SMG1: variants seen among roughly 807,000 people sequenced by gnomAD.
SMG1 encodes SMG1 nonsense mediated mRNA decay associated PI3K related kinase, also known as serine/threonine-protein kinase SMG1.
Under a neutral mutation model 419.9 loss-of-function variants are expected in SMG1, and 22 were observed. That is an observed-to-expected ratio of 0.05 (90% CI 0.04 to 0.07). SMG1 has a LOEUF of 0.07. Ranked by LOEUF, SMG1 falls within the 10% of genes least tolerant of loss-of-function variation. The pLI, the probability that SMG1 is intolerant of heterozygous loss-of-function variation, is 1.00. For missense variants in SMG1, 3,185 were observed against 4,342.0 expected (o/e 0.73, Z 7.49); for synonymous variants, 1,538 against 1,553.5 (o/e 0.99, Z 0.23).
rs376747600 is a variant in SMG1, at chr16:18,882,273, T to C, written c.1185A>G (p.Leu395=). Residue 395 remains leucine (L), a synonymous_variant, in exon 10 of 63, where the codon TTA becomes TTG. Coordinates refer to ENST00000446231, the MANE Select transcript of SMG1 (RefSeq NM_015092.5). ...DEDVPPPSVS[L]PKLAALLRVF... ...CCCGGAGAAGTGCAGCCAGCTTTGG[T>C]AATGACACTGATGGAGGAGGGACAT... 7.5e-6 allele frequency: 12 copies of C among 1,610,464 alleles called. No individual in the cohort carries two copies. The highest frequency in any genetic ancestry group is 2.2e-4 in the Middle Eastern group (1 of 4,452).
rs13334655 is a variant in SMG1, at chr16:18,884,957, C to A, written c.1021+133G>T. 8.1e-5 allele frequency: 52 copies of A among 643,176 alleles called. No individual in the cohort carries two copies. The East Asian group carries it at 1.3e-3, about 16-fold the overall frequency. 39.8% of individuals were successfully genotyped at this position (643,176 alleles called of 1,614,324 possible). On this transcript the variant is annotated intron_variant, in intron 8 of 62. Coordinates refer to ENST00000446231, the MANE Select transcript of SMG1 (RefSeq NM_015092.5). Reference sequence around the variant, plus strand: ...ACATATTTAGCTAACAAGTAATGTTCATTTACAATAAAACATTTCTCTGAA... The same window carrying A: ...ACATATTTAGCTAACAAGTAATGTTAATTTACAATAAAACATTTCTCTGAA...
intron 36 of SMG1, among the ~76,000 whole-genome samples, chr16:18,848,942 G>A (rs1020474763): frequency 9.9e-5 from 15 of 151,528 alleles, no homozygotes; most frequent in African/African-American, 2.2e-4. Context: ...GTGGTGGCAC[G>A]CACATGTAAT....
At chr16:18,870,426 A>G (rs1165180951) in intron 18 of SMG1, among the ~76,000 whole-genome samples, 184 bp downstream of exon 18, 2 of 152,210 alleles carry the variant, frequency 1.3e-5, no homozygotes, top group Admixed American at 1.3e-4. Flanking sequence ...CTCATTAAAA[A>G]TTTTTAATTT....
In SMG1 at chr16:18,853,627, T is replaced by C. The variant is rs118055386; in HGVS notation, c.4724A>G (p.Asn1575Ser). Residue 1575 changes from asparagine to serine, a missense_variant, in exon 31 of 63, where the codon AAT becomes AGT. Transcript: ENST00000446231. ...ILTLIELPSV[N>S]TMEEEYPRIE... Reference sequence around the variant, plus strand: ...CCGAGGATACTCTTCTTCCATCGTATTAACAGATGGCAGTTCTATTAGAGT... The same window carrying C: ...CCGAGGATACTCTTCTTCCATCGTACTAACAGATGGCAGTTCTATTAGAGT... 523 of 1,609,966 alleles carry C rather than the reference T, an allele frequency of 3.2e-4. 4 individuals are homozygous for C. In the East Asian group the frequency reaches 0.011, roughly 34 times the overall value.
intron 60 of SMG1, among the ~76,000 whole-genome samples, chr16:18,814,560 T>A (rs1053690482): frequency 3.9e-5 from 6 of 151,964 alleles, no homozygotes; most frequent in African/African-American, 1.4e-4. Context: ...TAGCAAAGCA[T>A]TTTTACTCTC....
At chr16:18,841,289 T>C (rs1345098486) in intron 41 of SMG1, among the ~76,000 whole-genome samples, 2 of 150,554 alleles carry the variant, frequency 1.3e-5, no homozygotes, top group African/African-American at 4.9e-5. Flanking sequence ...TAGTTCCCGC[T>C]ACTCGGGAGC....
At chr16:18,902,705 CAAA>C (rs536940919) in intron 1 of SMG1, among the ~76,000 whole-genome samples, 2 of 116,828 alleles carry the variant, frequency 1.7e-5, no homozygotes, top group Non-Finnish European at 1.8e-5. Context: ...GGCCCTGTCT[CAAA>C]AAAAAAAAAA....
intron 6 of SMG1, among the ~76,000 whole-genome samples, chr16:18,886,978 C>T (rs2141761713): frequency 6.6e-6 from 1 of 152,168 alleles, no homozygotes; most frequent in South Asian, 2.1e-4. Context: ...TTACAATATT[C>T]CTGTTATACA....
At chr16:18,849,629 G>GAT (rs2034480207) in intron 35 of SMG1, among the ~76,000 whole-genome samples, 1 of 152,142 alleles carries the variant, frequency 6.6e-6, no homozygotes, top group South Asian at 2.1e-4. Flanking sequence ...ACGGAGAAAT[G>GAT]TATCTTCTGT....
intron 41 of SMG1, 57 bp downstream of exon 41, chr16:18,841,508 G>A: frequency 6.6e-7 from 1 of 1,519,536 alleles, no homozygotes; most frequent in East Asian, 2.3e-5. Flanking sequence ...AAGTCTACAA[G>A]TATTTCACAT....
intron 42 of SMG1, 63 bp downstream of exon 42, chr16:18,839,635 G>C: frequency 1.3e-6 from 2 of 1,590,490 alleles, no homozygotes; most frequent in Non-Finnish European, 8.6e-7. Flanking sequence ...AAACAAGATA[G>C]GCAAGAAGGT....
intron 11 of SMG1, 130 bp downstream of exon 11, chr16:18,879,365 T>C (rs1459326938): frequency 8.4e-6 from 6 of 711,838 alleles, no homozygotes; most frequent in Non-Finnish European, 1.2e-5. Flanking sequence ...TCCTTCTGCT[T>C]TGGCCTCCCA....
At chr16:18,898,608 A>G (rs1455592359) in intron 1 of SMG1, among the ~76,000 whole-genome samples, 6 of 152,214 alleles carry the variant, frequency 3.9e-5, no homozygotes, top group Admixed American at 3.9e-4. Context: ...AAGAGAGCTT[A>G]TAATCTTTTC....
intron 23 of SMG1, among the ~76,000 whole-genome samples, chr16:18,865,990 G>C (rs1370157163): frequency 6.6e-6 from 1 of 151,746 alleles, no homozygotes; most frequent in Non-Finnish European, 1.5e-5. Flanking sequence ...TTTTAATATT[G>C]AGTGGGAAAA....
At chr16:18,920,490 C>T (rs996419509) in intron 1 of SMG1, among the ~76,000 whole-genome samples, 2 of 151,432 alleles carry the variant, frequency 1.3e-5, no homozygotes, top group Non-Finnish European at 2.9e-5. Flanking sequence ...AGGAGTTTGA[C>T]ACCAGCATGG....
chr16:18,854,622 T>C (rs1382595254), intron 30 of SMG1, 34 bp downstream of exon 30: 4 of 1,558,984 alleles, frequency 2.6e-6, no homozygotes, highest in South Asian at 2.3e-5. Context: ...ATTTTTATTA[T>C]ACTCATGTAT....
At chr16:18,844,961 C>T (rs879092835) in intron 39 of SMG1, among the ~76,000 whole-genome samples, 3 of 152,196 alleles carry the variant, frequency 2.0e-5, no homozygotes, top group East Asian at 1.9e-4. Context: ...AATCATCCCA[C>T]GCAGCATATG....
At chr16:18,829,137 A>G (rs2032978858) in intron 54 of SMG1, 149 bp downstream of exon 54, 1 of 628,892 alleles carries the variant, frequency 1.6e-6, no homozygotes. Context: ...TTGGAAAGAA[A>G]GTGCCAAAAT....
In SMG1 at chr16:18,817,352, G is replaced by A. The variant is rs754830424; in HGVS notation, c.10013C>T (p.Ser3338Leu). The A allele has an allele frequency of 5.6e-6, 9 of 1,612,116 alleles. No individual in the cohort carries two copies. Among genetic ancestry groups the A allele is most frequent in the South Asian group, 2.2e-5 (2 of 90,600 alleles). Residue 3338 changes from serine (S) to leucine (L), a missense_variant, in exon 57 of 63, where the codon TCG (serine) becomes TTG (leucine). Coordinates refer to ENST00000446231, the MANE Select transcript of SMG1 (RefSeq NM_015092.5). The stretch of plus-strand genomic sequence containing the variant: ...TGAACTGTTAAACTGTGATGCAAAC[G>A]AACACATCTGCTGACATCGCTTGAT... Reference protein sequence around the residue: ...ELIKRCQQMCSFASQFNSSVS... With the variant: ...ELIKRCQQMCLFASQFNSSVS...
Sources: gnomAD v4.1 joint callset for allele counts (sites outside exome capture counted in the v4.1 genomes callset) on GRCh38, gnomAD v4.1.1 for gene constraint, MANE v1.5 for transcripts, NCBI Gene and HGNC (gene_info 2026-07-23, HGNC 2026-07-21) for gene names.